SLC4A7: variants seen among roughly 807,000 people sequenced by gnomAD.
SLC4A7 encodes solute carrier family 4 member 7.
A neutral mutation model predicts 137.6 loss-of-function variants in SLC4A7; 51 were observed. The observed-to-expected ratio is 0.37, with a 90% CI of 0.30 to 0.47. SLC4A7 has a LOEUF of 0.47. Ranked by LOEUF, SLC4A7 falls within the 20% of genes least tolerant of loss-of-function variation. SLC4A7 has a pLI of 1.00. For missense variants in SLC4A7, 1,247 were observed against 1,525.4 expected (o/e 0.82, Z 3.04); for synonymous variants, 542 against 518.6 (o/e 1.05, Z -0.61).
chr3:27,450,104 ACT>A (rs921759083), intron 2 of SLC4A7, among the ~76,000 whole-genome samples: 2 of 152,142 alleles, frequency 1.3e-5, no homozygotes, highest in African/African-American at 4.8e-5. Flanking sequence ...AAAATGTGAT[ACT>A]CTGACATCTT....
chr3:27,431,786 A>G, intron 6 of SLC4A7, 117 bp from the exon 7 acceptor site: 2 of 1,031,268 alleles, frequency 1.9e-6, no homozygotes, highest in Admixed American at 3.3e-5. Context: ...CCAAAATTTC[A>G]AAGTCATGTG....
At chr3:27,379,900 G>C (rs1204017936) in intron 24 of SLC4A7, among the ~76,000 whole-genome samples, 1 of 152,090 alleles carries the variant, frequency 6.6e-6, no homozygotes, top group African/African-American at 2.4e-5. Context: ...TGAAAACAAA[G>C]CTCTGAAAAT....
intron 3 of SLC4A7, among the ~76,000 whole-genome samples, chr3:27,441,680 G>T (rs1012187596): frequency 1.8e-4 from 28 of 151,984 alleles, no homozygotes; most frequent in African/African-American, 6.8e-4. Flanking sequence ...TAGTGACAGG[G>T]TTTTGCTTTG....
intron 13 of SLC4A7, 86 bp from the exon 14 acceptor site, chr3:27,405,049 A>G: frequency 1.2e-6 from 1 of 857,206 alleles, no homozygotes; most frequent in Non-Finnish European, 1.7e-6. Context: ...ACATCTGGAA[A>G]ATAAAAATAC....
intron 14 of SLC4A7, among the ~76,000 whole-genome samples, chr3:27,404,554 T>A (rs527941146): frequency 6.6e-6 from 1 of 152,310 alleles, no homozygotes; most frequent in Non-Finnish European, 1.5e-5. Context: ...TTAAATTTGT[T>A]AGCACAAAGG....
At chr3:27,452,568 G>T in intron 1 of SLC4A7, 70 bp from the exon 2 acceptor site, 2 of 910,924 alleles carry the variant, frequency 2.2e-6, no homozygotes, top group Non-Finnish European at 1.6e-6. Flanking sequence ...TGCATCCTTT[G>T]AAATGGCAAC....
intron 1 of SLC4A7, among the ~76,000 whole-genome samples, chr3:27,483,216 A>C (rs923618806): frequency 1.3e-5 from 2 of 152,256 alleles, no homozygotes; most frequent in Non-Finnish European, 2.9e-5. Flanking sequence ...AGAAAGCAGG[A>C]AGTCCGCTTC....
intron 24 of SLC4A7, among the ~76,000 whole-genome samples, chr3:27,381,698 A>G (rs923069320): frequency 3.3e-5 from 5 of 152,238 alleles, no homozygotes; most frequent in East Asian, 1.9e-4. Flanking sequence ...TTAACTAAAT[A>G]CCAATAAAAC....
chr3:27,420,553 G>A, intron 10 of SLC4A7, 147 bp downstream of exon 10: 2 of 428,458 alleles, frequency 4.7e-6, no homozygotes, highest in Non-Finnish European at 8.0e-6. Flanking sequence ...AGGCAAATAG[G>A]AGAAGCAAAT....
In SLC4A7 at chr3:27,386,100, TTAAA is replaced by T. The variant is rs996561429; in HGVS notation, c.3361-81_3361-78del. The T allele has an allele frequency of 2.1e-4, 242 of 1,168,070 alleles. 1 individual carries two copies. Among genetic ancestry groups the T allele is most frequent in the Admixed American group, 8.7e-5 (3 of 34,676 alleles). The allele number at this position is 1,168,070 out of a possible 1,614,324, so 72.4% of individuals were successfully genotyped here. Reference sequence around the variant, plus strand: ...CACTTAAAGAGGAAAAGCATATTTATTAAATCTTATAAAAAATGCTTCATATAGT... The same window carrying T: ...CACTTAAAGAGGAAAAGCATATTTATTCTTATAAAAAATGCTTCATATAGT... On this transcript the variant is annotated intron_variant, in intron 22 of 25. Transcript: ENST00000454389.
rs151065697 is a variant in SLC4A7, at chr3:27,424,223, T to C, written c.1151-71A>G. 9.6e-4 allele frequency: 696 copies of C among 726,704 alleles called. 3 individuals carry two copies. In the African/African-American group the frequency reaches 0.011, roughly 12 times the overall value. 45.0% of individuals were successfully genotyped at this position (726,704 alleles called of 1,614,324 possible). A position where few individuals can be genotyped will look rare whatever the true frequency, so the allele number is the denominator to read the frequency against. Reference sequence around the variant, plus strand: ...TTGCAACCTGATTCTGCTCACATTCTGAAAGTGATGATTTATGAATATTAT... The same window carrying C: ...TTGCAACCTGATTCTGCTCACATTCCGAAAGTGATGATTTATGAATATTAT... On this transcript the variant is annotated intron_variant, in intron 7 of 25. Transcript: ENST00000454389.
intron 24 of SLC4A7, among the ~76,000 whole-genome samples, chr3:27,382,345 C>A (rs1002816878): frequency 1.3e-5 from 2 of 151,984 alleles, no homozygotes; most frequent in African/African-American, 2.4e-5. Flanking sequence ...GAACTCCTGA[C>A]CTCAGGTGAT....
At chr3:27,465,238 G>T (rs1277511695) in intron 1 of SLC4A7, among the ~76,000 whole-genome samples, 2 of 143,782 alleles carry the variant, frequency 1.4e-5, no homozygotes, top group East Asian at 2.1e-4. Flanking sequence ...GCAGTAAACC[G>T]AGATGGCACC....
intron 3 of SLC4A7, among the ~76,000 whole-genome samples, chr3:27,444,151 A>G (rs1298320311): frequency 6.6e-6 from 1 of 152,214 alleles, no homozygotes. Flanking sequence ...ACTCTATCAG[A>G]GAGGAGAGCT....
chr3:27,397,234 T>C (rs1325596271), intron 18 of SLC4A7, among the ~76,000 whole-genome samples: 3 of 152,118 alleles, frequency 2.0e-5, no homozygotes, highest in African/African-American at 4.8e-5. Flanking sequence ...CAGGCTGGTC[T>C]TGAACTCCTG....
intron 5 of SLC4A7, among the ~76,000 whole-genome samples, chr3:27,436,029 C>G (rs1203900352): frequency 6.6e-6 from 1 of 152,152 alleles, no homozygotes; most frequent in Non-Finnish European, 1.5e-5. Context: ...TACTTTTTCT[C>G]TTGTATCACC....
chr3:27,475,283 T>G (rs993247823), intron 1 of SLC4A7, among the ~76,000 whole-genome samples: 9 of 151,066 alleles, frequency 6.0e-5, no homozygotes, highest in East Asian at 5.8e-4. Flanking sequence ...TAATAGCAAG[T>G]TTCCAAGAGG....
At chr3:27,449,854 T>C (rs1022250940) in intron 2 of SLC4A7, among the ~76,000 whole-genome samples, 4 of 152,228 alleles carry the variant, frequency 2.6e-5, no homozygotes, top group East Asian at 3.8e-4. Flanking sequence ...AAAAATTCCA[T>C]AAAATGCTCA....
intron 11 of SLC4A7, among the ~76,000 whole-genome samples, chr3:27,414,372 T>C (rs963389256): frequency 1.3e-5 from 2 of 152,168 alleles, no homozygotes; most frequent in African/African-American, 4.8e-5. Context: ...TATAACTCCC[T>C]GAAACTCAAT....
Sources: allele counts gnomAD v4.1 joint callset (sites outside exome capture counted in the v4.1 genomes callset), GRCh38; gene constraint gnomAD v4.1.1; transcripts MANE v1.5; gene names NCBI Gene and HGNC (gene_info 2026-07-23, HGNC 2026-07-21).